PRSS27: variants seen among roughly 807,000 people sequenced by gnomAD.
The protein encoded by PRSS27 is serine protease 27.
PRSS27 carries 25 observed loss-of-function variants against 32.0 expected under a neutral mutation model. The observed-to-expected ratio is 0.78, with a 90% CI of 0.57 to 1.09. The LOEUF is 1.09. Among genes scored for constraint, PRSS27 ranks in the 50% least tolerant of loss-of-function variants. PRSS27 has a pLI of 0.00. For missense variants in PRSS27, 401 were observed against 394.9 expected (o/e 1.02, Z -0.13); for synonymous variants, 178 against 172.2 (o/e 1.03, Z -0.26).
At position 2,720,121 on chromosome 16, in the gene PRSS27, ACAG is replaced by A. The variant is rs776543740; in HGVS notation, c.37_39del (p.Leu13del). 4 of 1,603,616 alleles carry A rather than the reference ACAG, an allele frequency of 2.5e-6. No homozygotes were observed. Among genetic ancestry groups the A allele is most frequent in the Admixed American group, 1.7e-5 (1 of 58,634 alleles). ...CTGCACCTTCACGACTCACCAAAAC[ACAG>A]CAGCAGCAGGAGCGGCACCGCCGCC... On this transcript the variant is annotated inframe_deletion, in exon 1 of 6. Transcript: ENST00000302641.
chr16:2,713,916 C>T, intron 4 of PRSS27, 149 bp downstream of exon 4: 1 of 1,027,838 alleles, frequency 9.7e-7, no homozygotes, highest in Non-Finnish European at 1.4e-6. Context: ...GGGTCTGCTG[C>T]TGCTCCCCTC....
intron 1 of PRSS27, 67 bp from the exon 2 acceptor site, chr16:2,716,593 GC>G: frequency 6.8e-7 from 1 of 1,480,824 alleles, no homozygotes. Context: ...CAACCCTGCA[GC>G]CCCTCTCCAC....
At position 2,712,665 on chromosome 16, in the gene PRSS27, G is replaced by A. The variant is rs1446219060; in HGVS notation, c.828C>T (p.Ile276=). ...TAHHNWIHRI[I]PKLQFQPARL... is the part of the protein sequence containing the mutation. ...TCGCTGGCTGGAACTGCAGTTTGGG[G>A]ATGATCCGATGGATCCAGTTGTGGT... The change falls in exon 6 of 6, where the codon ATC becomes ATT. Residue 276 remains isoleucine (I), a synonymous_variant. Transcript: ENST00000302641. This position sits in a 1 kb window ranked among gnomAD's most constrained non-coding sequence, Gnocchi z 4.6. 6.3e-7 allele frequency: 1 copy of A among 1,599,034 alleles called. No homozygotes were observed. The highest frequency in any genetic ancestry group is 2.3e-5 in the East Asian group (1 of 44,250).
At position 2,719,288 on chromosome 16, in the gene PRSS27, G is replaced by A. The variant is rs558267017; in HGVS notation, c.46+827C>T. 3.5e-3 allele frequency among the ~76,000 whole-genome samples: 537 copies of A among 152,298 alleles called. 6 individuals carry two copies. The highest frequency in any genetic ancestry group is 6.1e-3 in the Non-Finnish European group (412 of 68,010). ...CTGGGGGCATGGGGTGGGGGAGGCC[G>A]GGCCACTGAGGGGCCACTGGTGCCC... On this transcript the variant is annotated intron_variant, in intron 1 of 5. Transcript: ENST00000302641.
At chr16:2,713,721 A>G in intron 4 of PRSS27, 23 bp from the exon 5 acceptor site, 10 of 1,611,640 alleles carry the variant, frequency 6.2e-6, no homozygotes, top group Non-Finnish European at 8.5e-6. Flanking sequence ...GGAACAGCCC[A>G]GGGCTCAACG....
chr16:2,715,429 C>T lies in PRSS27; in HGVS notation c.236+289G>A, dbSNP rs192551953. On this transcript the variant is annotated intron_variant, in intron 3 of 5. Coordinates refer to ENST00000302641, the MANE Select transcript of PRSS27 (RefSeq NM_031948.5). ...GGAGGGGCCGGTGGGCAGAGCCTGC[C>T]GGGCCGCTTCTGCAGGGACCCACAG... 4.8e-4 allele frequency: 170 copies of T among 355,914 alleles called. No homozygotes were observed. The East Asian group carries it at 8.3e-3, about 17-fold the overall frequency. 22.0% of individuals were successfully genotyped at this position (355,914 alleles called of 1,614,324 possible). A position where few individuals can be genotyped will look rare whatever the true frequency, so the allele number is the denominator to read the frequency against.
intron 2 of PRSS27, 137 bp from the exon 3 acceptor site, chr16:2,716,017 C>T (rs2067700235): frequency 1.4e-6 from 1 of 733,934 alleles, no homozygotes; most frequent in African/African-American, 1.8e-5. Flanking sequence ...AGTCGGAGGC[C>T]TGGGCTTCGG....
At position 2,712,612 on chromosome 16, in the gene PRSS27, C is replaced by CG. The variant is rs763253438; in HGVS notation, c.*7dup. 2 of 1,571,804 alleles carry CG rather than the reference C, an allele frequency of 1.3e-6. No individual in the cohort carries two copies. Among genetic ancestry groups the CG allele is most frequent in the South Asian group, 2.3e-5 (2 of 85,614 alleles). ...GCTCTGCTCAAGGGGCTCCTGGCCCCGGGGGTCTCACTTCTGGCCGCCCAA... is the reference window on the plus strand; with the variant it reads ...GCTCTGCTCAAGGGGCTCCTGGCCCCGGGGGGTCTCACTTCTGGCCGCCCAA... On this transcript the variant is annotated 3_prime_UTR_variant, in exon 6 of 6. Transcript: ENST00000302641. The surrounding 1 kb of genome is among the most constrained non-coding windows in gnomAD (Gnocchi z 4.6).
chr16:2,718,914 T>G (rs991526984), intron 1 of PRSS27, among the ~76,000 whole-genome samples: 30 of 151,952 alleles, frequency 2.0e-4, no homozygotes, highest in African/African-American at 7.0e-4. Context: ...GCTGAGCCCT[T>G]CAGGGTGGGC....
intron 3 of PRSS27, 150 bp downstream of exon 3, chr16:2,715,568 G>A (rs912435853): frequency 7.0e-6 from 4 of 573,080 alleles, no homozygotes; most frequent in East Asian, 6.9e-5. Flanking sequence ...TGGACCTAAG[G>A]GAAGCATCTG....
rs1273722586 is a variant in PRSS27, at chr16:2,714,005, A to G, written c.508+60T>C. 1.3e-6 allele frequency: 2 copies of G among 1,527,532 alleles called. No individual in the cohort carries two copies. The highest frequency in any genetic ancestry group is 2.3e-5 in the East Asian group (1 of 44,270). The allele number at this position is 1,527,532 out of a possible 1,614,324, so 94.6% of individuals were successfully genotyped here. ...AGATTGTGGGTTCAGAGTGGTCCCCAAGCCGTCCTGGGCCTTCTTGAGGCA... is the reference window on the plus strand; with the variant it reads ...AGATTGTGGGTTCAGAGTGGTCCCCGAGCCGTCCTGGGCCTTCTTGAGGCA... On this transcript the variant is annotated intron_variant, in intron 4 of 5. Coordinates refer to ENST00000302641, the MANE Select transcript of PRSS27 (RefSeq NM_031948.5). The surrounding 1 kb of genome is among the most constrained non-coding windows in gnomAD (Gnocchi z 4.7).
At chr16:2,713,380 G>A (rs547043611) in intron 5 of PRSS27, 149 bp downstream of exon 5, 3 of 840,842 alleles carry the variant, frequency 3.6e-6, no homozygotes, top group East Asian at 2.6e-5. Context: ...TTACAGGCGT[G>A]AGCCACCACA....
chr16:2,718,449 C>G (rs1156757251), intron 1 of PRSS27: 1 of 151,936 alleles, frequency 6.6e-6, no homozygotes, highest in African/African-American at 2.4e-5. Flanking sequence ...TCCCGAGTAG[C>G]TGGGACTACA....
At chr16:2,713,138 G>A (rs558857790) in intron 5 of PRSS27, 31 of 468,668 alleles carry the variant, frequency 6.6e-5, no homozygotes, top group African/African-American at 2.9e-4. Flanking sequence ...TTGCTCTGTG[G>A]CCCAGGCTGG....
intron 5 of PRSS27, chr16:2,713,049 C>T (rs1472015933): frequency 1.8e-6 from 1 of 550,970 alleles, no homozygotes; most frequent in Non-Finnish European, 3.2e-6. Flanking sequence ...TGCCCCACCC[C>T]AGACCCACTG....
chr16:2,717,022 C>A lies in PRSS27; in HGVS notation c.47-496G>T, dbSNP rs532500278. The A allele has an allele frequency of 1.7e-4, 27 of 161,708 alleles. No individual in the cohort carries two copies. In the Middle Eastern group the frequency reaches 9.5e-3, roughly 57 times the overall value. 10.0% of individuals were successfully genotyped at this position (161,708 alleles called of 1,614,324 possible). A position where few individuals can be genotyped will look rare whatever the true frequency, so the allele number is the denominator to read the frequency against. On this transcript the variant is annotated intron_variant, in intron 1 of 5. Coordinates refer to ENST00000302641, the MANE Select transcript of PRSS27 (RefSeq NM_031948.5). The surrounding 1 kb of genome is among the most constrained non-coding windows in gnomAD (Gnocchi z 4.1). ...CTCTCACAGTCTGCTCCGGAATGAG[C>A]TCCTTCCCCAAGTCTCACTTTGGTC...
intron 2 of PRSS27, 176 bp downstream of exon 2, chr16:2,716,322 CTT>C (rs2067702191): frequency 1.5e-6 from 1 of 659,504 alleles, no homozygotes; most frequent in Non-Finnish European, 2.7e-6. Flanking sequence ...CCGTCCTGCT[CTT>C]GTGTGGACCT....
chr16:2,712,568 CG>C lies in PRSS27; in HGVS notation c.*51del. 6.7e-7 allele frequency: 1 copy of C among 1,483,898 alleles called. No homozygotes were observed. Among genetic ancestry groups the C allele is most frequent in the East Asian group, 2.5e-5 (1 of 40,082 alleles). 91.9% of individuals were successfully genotyped at this position (1,483,898 alleles called of 1,614,324 possible). On this transcript the variant is annotated 3_prime_UTR_variant, in exon 6 of 6. Coordinates refer to ENST00000302641, the MANE Select transcript of PRSS27 (RefSeq NM_031948.5). This position sits in a 1 kb window ranked among gnomAD's most constrained non-coding sequence, Gnocchi z 4.6. ...GGGAGGACCAGCAGGATGGTGTGGG[CG>C]GGCAGGCTGGGTGCAGAGCTCTGCT...
At chr16:2,719,753 C>T (rs182809227) in intron 1 of PRSS27, among the ~76,000 whole-genome samples, 176 of 152,298 alleles carry the variant, frequency 1.2e-3, no homozygotes, top group Middle Eastern at 3.4e-3. Context: ...ACATCCTGCA[C>T]GTAGGAGGCC....
Sources: allele counts gnomAD v4.1 joint callset (sites outside exome capture counted in the v4.1 genomes callset), GRCh38; gene constraint gnomAD v4.1.1; non-coding constraint Gnocchi (gnomAD v3.1); transcripts MANE v1.5; gene names NCBI Gene and HGNC (gene_info 2026-07-23, HGNC 2026-07-21).